FAT3: variants seen among roughly 807,000 people sequenced by gnomAD.
The protein encoded by FAT3 is FAT atypical cadherin 3, also known as protocadherin Fat 3.
A neutral mutation model predicts 310.2 loss-of-function variants in FAT3; 95 were observed. That is an observed-to-expected ratio of 0.31 (90% CI 0.26 to 0.36). FAT3 has a LOEUF of 0.36. Among genes scored for constraint, FAT3 ranks in the 10% least tolerant of loss-of-function variants. The pLI, the probability that FAT3 is intolerant of heterozygous loss-of-function variation, is 1.00. For synonymous variants in FAT3, 2,314 were observed against 2,192.9 expected, an observed-to-expected ratio of 1.06 and a Z score of -1.54; for missense variants, 5,408 against 5,715.6, an observed-to-expected ratio of 0.95 and a Z score of 1.74.
intron 3 of FAT3, among the ~76,000 whole-genome samples, chr11:92,553,707 T>C (rs902494772): frequency 8.0e-5 from 8 of 100,094 alleles, no homozygotes; most frequent in Non-Finnish European, 1.4e-4. Flanking sequence ...CTTCCTTCCT[T>C]CCTTCCTTCC....
Position 92,798,178 on chromosome 11 carries a change from T to A in FAT3, c.5165T>A (p.Val1722Asp). ...GIFTINPYSGVITTQKALDYE... is the reference protein window; with the variant it reads ...GIFTINPYSGDITTQKALDYE... ...TTTACCATAAATCCATATTCTGGAG[T>A]CATCACCACTCAGAAGGCCCTGGAT... The change falls in exon 10 of 28, where the codon GTC becomes GAC. Residue 1722 changes from valine to aspartate, a missense_variant. Around this residue, in one of 5 missense-constraint regions of FAT3, gnomAD observed 4,588 missense variants for 4,809.8 expected, o/e 0.95. Coordinates refer to ENST00000525166, the MANE Select transcript of FAT3 (RefSeq NM_001367949.2). The A allele has an allele frequency of 6.2e-7, 1 of 1,613,832 alleles. No homozygotes were observed.
intron 1 of FAT3, among the ~76,000 whole-genome samples, chr11:92,255,164 G>C (rs1290999166): frequency 6.6e-6 from 1 of 152,058 alleles, no homozygotes; most frequent in Non-Finnish European, 1.5e-5. Flanking sequence ...GAGCATGAGA[G>C]ATCTGTACCC....
intron 1 of FAT3, among the ~76,000 whole-genome samples, chr11:92,229,523 T>TTTTTTG (rs1864080813): frequency 7.5e-6 from 1 of 132,738 alleles, no homozygotes. Context: ...TGTTTTTTTT[T>TTTTTTG]ACATTGCCTC....
chr11:92,296,119 T>C lies in FAT3; in HGVS notation c.-17-55977T>C, dbSNP rs544743562. Among the ~76,000 whole-genome samples, 39 of 152,256 alleles carry C rather than the reference T, an allele frequency of 2.6e-4. 2 individuals are homozygous for C. In the South Asian group the frequency reaches 4.6e-3, roughly 18 times the overall value. ...GTATACAGTTATGGTTGAGATATTC[T>C]GGTCCAACTCTGGACCCACAGTCTT... On this transcript the variant is annotated intron_variant, in intron 1 of 27. Transcript: ENST00000525166.
intron 3 of FAT3, among the ~76,000 whole-genome samples, chr11:92,665,665 C>G (rs969064326): frequency 6.6e-6 from 1 of 152,124 alleles, no homozygotes; most frequent in South Asian, 2.1e-4. Context: ...TTAGTGGTCT[C>G]AGCTCCAAAC....
At chr11:92,311,175 A>C (rs1052672798) in intron 1 of FAT3, among the ~76,000 whole-genome samples, 53 of 152,218 alleles carry the variant, frequency 3.5e-4, no homozygotes, top group Non-Finnish European at 1.0e-4. Flanking sequence ...CTCTCGGAAA[A>C]ATGTACCTTT....
intron 3 of FAT3, among the ~76,000 whole-genome samples, chr11:92,645,507 G>A (rs1314151887): frequency 1.4e-5 from 2 of 140,266 alleles, no homozygotes; most frequent in Admixed American, 1.4e-4. Context: ...AAAAAAAACA[G>A]GTAAACATCT....
At chr11:92,453,872 T>C (rs561211803) in intron 2 of FAT3, among the ~76,000 whole-genome samples, 1 of 152,304 alleles carries the variant, frequency 6.6e-6, no homozygotes, top group East Asian at 1.9e-4. Context: ...TGCTATCTAA[T>C]AAATATATAA....
chr11:92,740,655 T>C (rs1230176469), intron 4 of FAT3, among the ~76,000 whole-genome samples: 1 of 152,222 alleles, frequency 6.6e-6, no homozygotes, highest in Non-Finnish European at 1.5e-5. Flanking sequence ...TGTGATTTCA[T>C]GGTCAAAAGA....
intron 16 of FAT3, among the ~76,000 whole-genome samples, chr11:92,837,191 G>T (rs1223181614): frequency 1.3e-5 from 2 of 152,182 alleles, no homozygotes; most frequent in Admixed American, 1.3e-4. Flanking sequence ...ATATGGAAAA[G>T]GATGACATGG....
intron 2 of FAT3, among the ~76,000 whole-genome samples, chr11:92,496,470 C>A (rs1452214440): frequency 6.6e-6 from 1 of 151,926 alleles, no homozygotes; most frequent in Non-Finnish European, 1.5e-5. Flanking sequence ...TCCTGGGAAC[C>A]CAGATTACAT....
chr11:92,790,867 G>A (rs1452613681), intron 8 of FAT3, among the ~76,000 whole-genome samples: 2 of 152,130 alleles, frequency 1.3e-5, no homozygotes, highest in Admixed American at 6.6e-5. Context: ...TTAATTTATG[G>A]CCTGAAGTCT....
rs1198448489 is a variant in FAT3, at chr11:92,891,081, T to C, written c.13738T>C (p.Phe4580Leu). ...ELSLASLHIP[F>L]VETQHQTQV ...CAGCCTCGCCAGCCTTCACATTCCC[T>C]TTGTGGAGACTCAGCATCAGACTCA... is the stretch of plus-strand genomic sequence containing the variant. Residue 4580 changes from phenylalanine (F) to leucine (L), a missense_variant, in exon 28 of 28, where the codon TTT (phenylalanine) becomes CTT (leucine). By Grantham distance (22) the Phe-to-Leu change is conservative. Coordinates refer to ENST00000525166, the MANE Select transcript of FAT3 (RefSeq NM_001367949.2). The C allele has an allele frequency of 2.5e-6, 4 of 1,613,634 alleles. No individual in the cohort carries two copies. In the South Asian group the frequency reaches 4.4e-5, roughly 18 times the overall value.
intron 4 of FAT3, among the ~76,000 whole-genome samples, chr11:92,738,666 A>G (rs920938844): frequency 1.3e-5 from 2 of 152,194 alleles, no homozygotes; most frequent in African/African-American, 4.8e-5. Flanking sequence ...CTACTTCCCC[A>G]TTTATGCAAC....
intron 3 of FAT3, among the ~76,000 whole-genome samples, chr11:92,597,287 C>T (rs1939760820): frequency 6.6e-6 from 1 of 152,328 alleles, no homozygotes; most frequent in Middle Eastern, 3.4e-3. Context: ...GTGTACCTTA[C>T]AAGTGACAGG....
At chr11:92,577,430 T>C (rs1938544352) in intron 3 of FAT3, among the ~76,000 whole-genome samples, 2 of 152,092 alleles carry the variant, frequency 1.3e-5, no homozygotes, top group Non-Finnish European at 1.5e-5. Context: ...TTAAGTATTA[T>C]TTTTAATTGA....
intron 1 of FAT3, among the ~76,000 whole-genome samples, chr11:92,349,005 A>G (rs1256497990): frequency 2.0e-5 from 3 of 152,074 alleles, no homozygotes; most frequent in Non-Finnish European, 4.4e-5. Context: ...GGTTTCCTTA[A>G]GTAGAAGTTC....
At chr11:92,664,613 A>C (rs983267474) in intron 3 of FAT3, among the ~76,000 whole-genome samples, 2 of 152,196 alleles carry the variant, frequency 1.3e-5, no homozygotes, top group Non-Finnish European at 2.9e-5. Context: ...ACACATGCAC[A>C]CTTTTTAAAG....
rs1282359323 is a variant in FAT3, at chr11:92,801,716, A to G, written c.8703A>G (p.Ala2901=). 2.5e-6 allele frequency: 4 copies of G among 1,613,970 alleles called. No individual in the cohort carries two copies. The highest frequency in any genetic ancestry group is 3.4e-6 in the Non-Finnish European group (4 of 1,179,856). ...TGGTGGCCTCTGACCTTGGAGAGGC[A>G]TTCTCTCTTTCCTCCACGGCCTTGG... ...FSVVASDLGE[A]FSLSSTALVS... The change falls in exon 10 of 28, where the codon GCA becomes GCG. Residue 2901 remains alanine (A), a synonymous_variant. Transcript: ENST00000525166.
Sources: allele counts gnomAD v4.1 joint callset (sites outside exome capture counted in the v4.1 genomes callset), GRCh38; gene constraint gnomAD v4.1.1; regional missense constraint gnomAD v4.1.1; transcripts MANE v1.5; gene names NCBI Gene and HGNC (gene_info 2026-07-23, HGNC 2026-07-21).